Variants in TRIM44 observed in about 807,000 individuals in gnomAD.
TRIM44 encodes the protein tripartite motif-containing protein 44.
A neutral mutation model predicts 37.4 loss-of-function variants in TRIM44; 13 were observed. The observed-to-expected ratio is 0.35, with a 90% CI of 0.23 to 0.55. TRIM44 has a LOEUF of 0.55. Among genes scored for constraint, TRIM44 ranks in the 20% least tolerant of loss-of-function variants. The pLI is 0.89. For missense variants in TRIM44, 426 were observed against 437.2 expected, an observed-to-expected ratio of 0.97 and a Z score of 0.23; for synonymous variants, 175 against 157.2, an observed-to-expected ratio of 1.11 and a Z score of -0.85.
Position 35,663,141 on chromosome 11 carries a change from G to C in TRIM44, c.30G>C (p.Glu10Asp), listed in dbSNP as rs745740272. The C allele has an allele frequency of 3.3e-6, 5 of 1,536,948 alleles. No individual in the cohort carries two copies. In the African/African-American group the frequency reaches 6.9e-5, roughly 21 times the overall value. The change falls in exon 1 of 5, where the codon GAG becomes GAC. Residue 10 changes from glutamate to aspartate, a missense_variant. Around this residue, in one of 2 missense-constraint regions of TRIM44, gnomAD observed 331 missense variants for 303.0 expected, o/e 1.09. Transcript: ENST00000299413. The stretch of plus-strand genomic sequence containing the variant: ...CCTCTGGAGTGGGCGCGGCCTTCGA[G>C]GAACTGCCTCACGACGGCACGTGTG... The part of the protein sequence containing the change: MASGVGAAF[E>D]ELPHDGTCDE...
At chr11:35,673,394 A>T (rs370219445) in intron 1 of TRIM44, among the ~76,000 whole-genome samples, 2 of 152,338 alleles carry the variant, frequency 1.3e-5, no homozygotes, top group East Asian at 3.9e-4. Flanking sequence ...GTGTAAATGA[A>T]CAACTCCTTA....
intron 4 of TRIM44, among the ~76,000 whole-genome samples, chr11:35,791,034 G>GT (rs1469609576): frequency 1.3e-5 from 2 of 152,132 alleles, no homozygotes; most frequent in Admixed American, 1.3e-4. Context: ...ATAGTTTCTT[G>GT]TTTTTTCCAT....
At chr11:35,772,837 G>A (rs761559769) in intron 4 of TRIM44, among the ~76,000 whole-genome samples, 1 of 152,160 alleles carries the variant, frequency 6.6e-6, no homozygotes, top group Non-Finnish European at 1.5e-5. Context: ...GCTGAAATAA[G>A]TTAAGACTTT....
chr11:35,792,111 A>ACACACACACACACACACTCTCTCTCT (rs796092540), intron 4 of TRIM44, among the ~76,000 whole-genome samples: 9 of 114,296 alleles, frequency 7.9e-5, no homozygotes, highest in Non-Finnish European at 1.3e-4. Flanking sequence ...ACACACACAC[A>ACACACACACACACACACTCTCTCTCT]CTCTCTCTCA....
intron 4 of TRIM44, among the ~76,000 whole-genome samples, chr11:35,737,114 T>C (rs573425861): frequency 6.6e-6 from 1 of 152,154 alleles, no homozygotes; most frequent in East Asian, 1.9e-4. Flanking sequence ...AAAGGTTATA[T>C]ATAAACAGAG....
At chr11:35,763,331 G>A (rs539783044) in intron 4 of TRIM44, among the ~76,000 whole-genome samples, 1 of 152,142 alleles carries the variant, frequency 6.6e-6, no homozygotes, top group East Asian at 1.9e-4. Context: ...TTCTGGACTT[G>A]GATAAGCACA....
intron 4 of TRIM44, among the ~76,000 whole-genome samples, chr11:35,792,111 A>ACACACACACACACACACACACCCTCT (rs796092540): frequency 8.7e-6 from 1 of 114,298 alleles, no homozygotes; most frequent in African/African-American, 3.7e-5. Flanking sequence ...ACACACACAC[A>ACACACACACACACACACACACCCTCT]CTCTCTCTCA....
intron 1 of TRIM44, among the ~76,000 whole-genome samples, chr11:35,668,775 T>A (rs1362981192): frequency 6.6e-6 from 1 of 152,260 alleles, no homozygotes; most frequent in Non-Finnish European, 1.5e-5. Flanking sequence ...TATTTTTGAC[T>A]ATGGACTCAA....
intron 2 of TRIM44, among the ~76,000 whole-genome samples, chr11:35,701,929 T>C (rs1851793478): frequency 6.6e-6 from 1 of 152,214 alleles, no homozygotes; most frequent in South Asian, 2.1e-4. Flanking sequence ...TGGGTTCCTT[T>C]TCCCAGAGAG....
intron 4 of TRIM44, among the ~76,000 whole-genome samples, chr11:35,753,921 G>C (rs1179186430): frequency 6.6e-6 from 1 of 151,892 alleles, no homozygotes; most frequent in Admixed American, 6.6e-5. Context: ...TAGAGACAGA[G>C]TTTCACCATG....
At chr11:35,758,492 C>G (rs149100692) in intron 4 of TRIM44, among the ~76,000 whole-genome samples, 2 of 152,114 alleles carry the variant, frequency 1.3e-5, no homozygotes, top group African/African-American at 4.8e-5. Flanking sequence ...GCATTTAGCC[C>G]ATTTACATTT....
At chr11:35,789,029 C>CA (rs1853166273) in intron 4 of TRIM44, among the ~76,000 whole-genome samples, 1 of 152,302 alleles carries the variant, frequency 6.6e-6, no homozygotes, top group East Asian at 1.9e-4. Flanking sequence ...TGTCTCACAG[C>CA]AAATATTTTT....
chr11:35,788,778 A>T (rs1230473892), intron 4 of TRIM44, among the ~76,000 whole-genome samples: 7 of 152,224 alleles, frequency 4.6e-5, no homozygotes, highest in Admixed American at 3.9e-4. Context: ...CAGAGGCCTT[A>T]GTCCCACCAG....
chr11:35,805,186 G>A (rs115185947), intron 4 of TRIM44, among the ~76,000 whole-genome samples: 2 of 152,220 alleles, frequency 1.3e-5, no homozygotes, highest in Admixed American at 1.3e-4. Flanking sequence ...TGGAAAACGG[G>A]GGATAATAAT....
At chr11:35,679,293 T>C (rs1039748241) in intron 1 of TRIM44, among the ~76,000 whole-genome samples, 2 of 152,234 alleles carry the variant, frequency 1.3e-5, no homozygotes, top group Non-Finnish European at 2.9e-5. Context: ...ATGCCACTGC[T>C]ACCTGCCATA....
chr11:35,744,400 G>A (rs1175063198), intron 4 of TRIM44, among the ~76,000 whole-genome samples: 3 of 152,084 alleles, frequency 2.0e-5, no homozygotes, highest in Non-Finnish European at 2.9e-5. Flanking sequence ...CTAGCTTTAC[G>A]TAATTGTTCC....
chr11:35,771,469 T>C (rs1372895784), intron 4 of TRIM44, among the ~76,000 whole-genome samples: 1 of 152,194 alleles, frequency 6.6e-6, no homozygotes, highest in Non-Finnish European at 1.5e-5. Context: ...CTCATGCCTG[T>C]AATCCCGGCA....
At chr11:35,664,976 T>A (rs1176862519) in intron 1 of TRIM44, among the ~76,000 whole-genome samples, 1 of 152,258 alleles carries the variant, frequency 6.6e-6, no homozygotes, top group East Asian at 1.9e-4. Context: ...ATGGGTGTCA[T>A]ATTTTTATCA....
At chr11:35,793,969 A>G (rs1016583868) in intron 4 of TRIM44, among the ~76,000 whole-genome samples, 3 of 152,242 alleles carry the variant, frequency 2.0e-5, no homozygotes, top group African/African-American at 7.2e-5. Context: ...AATAACTTCC[A>G]TTTATTAATT....
Sources: allele counts gnomAD v4.1 joint callset (sites outside exome capture counted in the v4.1 genomes callset), GRCh38; gene constraint gnomAD v4.1.1; regional missense constraint gnomAD v4.1.1; transcripts MANE v1.5; gene names NCBI Gene and HGNC (gene_info 2026-07-23, HGNC 2026-07-21).